Variants in NRDE2 observed in about 807,000 individuals in gnomAD.
The protein encoded by NRDE2 is nuclear exosome regulator NRDE2.
NRDE2 carries 76 observed loss-of-function variants against 124.2 expected under a neutral mutation model. The ratio of observed to expected loss-of-function variants is 0.61; its 90% CI spans 0.51 to 0.74. NRDE2 has a LOEUF of 0.74. Among genes scored for constraint, NRDE2 ranks in the 30% least tolerant of loss-of-function variants. The pLI, the probability that NRDE2 is intolerant of heterozygous loss-of-function variation, is 0.00. For synonymous variants in NRDE2, 489 were observed against 528.1 expected (o/e 0.93, Z 1.01); for missense variants, 1,314 against 1,417.3 (o/e 0.93, Z 1.17).
rs71460301 is a variant in NRDE2 at position 90,328,142 on chromosome 14, C to CAA, written c.64+3697_64+3698dup. 1.4e-3 allele frequency among the ~76,000 whole-genome samples: 197 copies of CAA among 137,128 alleles called. 1 individual carries two copies. The highest frequency in any genetic ancestry group is 6.9e-3 in the Admixed American group (94 of 13,700). 90.0% of individuals were successfully genotyped at this position (137,128 alleles called of 152,430 possible). On this transcript the variant is annotated intron_variant, in intron 1 of 13. Transcript: ENST00000354366. The stretch of plus-strand genomic sequence containing the variant: ...TAGGCGACAGAGAGATATTCTGTCT[C>CAA]AAAAAAAAAAAAAAATTAGCCAGGA...
At chr14:90,315,973 A>G (rs1595074529) in intron 3 of NRDE2, among the ~76,000 whole-genome samples, 1 of 151,598 alleles carries the variant, frequency 6.6e-6, no homozygotes, top group African/African-American at 2.4e-5. Flanking sequence ...AAAAAAAAAA[A>G]AAAAAAGAAA....
intron 2 of NRDE2, 90 bp from the exon 3 acceptor site, chr14:90,316,901 G>T: frequency 1.2e-6 from 1 of 862,604 alleles, no homozygotes; most frequent in Non-Finnish European, 1.8e-6. Flanking sequence ...ATTTAAGATG[G>T]AACTATATAA....
In NRDE2 at chr14:90,301,294, A is replaced by G. The variant is rs888007749; in HGVS notation, c.1490T>C (p.Val497Ala). Reference protein sequence around the residue: ...EKAISLFQAMVDFTFFKPDSV... With the variant: ...EKAISLFQAMADFTFFKPDSV... ...GTCGGGTTTGAAGAAGGTGAAGTCC[A>G]CCATGGCCTGGAACAATGAGATGGC... Residue 497 changes from valine to alanine, a missense_variant, in exon 7 of 14, where the codon GTG becomes GCG. Coordinates refer to ENST00000354366, the MANE Select transcript of NRDE2 (RefSeq NM_017970.4). 3.1e-6 allele frequency: 5 copies of G among 1,613,706 alleles called. No individual in the cohort carries two copies. In the African/African-American group the frequency reaches 5.3e-5, roughly 17 times the overall value.
At position 90,304,342 on chromosome 14, in the gene NRDE2, T is replaced by A. The variant is rs781502472; in HGVS notation, c.598A>T (p.Lys200Ter). 4.8e-5 allele frequency: 77 copies of A among 1,613,598 alleles called. No homozygotes were observed. The highest frequency in any genetic ancestry group is 6.7e-5 in the Admixed American group (4 of 59,984). ...CCTTCCCAAGATATGCACTGCTTCTTAGGGTTAATGCCAAGGCAGGAGTCT... is the reference window on the plus strand; with the variant it reads ...CCTTCCCAAGATATGCACTGCTTCTAAGGGTTAATGCCAAGGCAGGAGTCT... Reference protein sequence around the residue: ...KGDSCLGINPKKQCISWEGTS... With the variant: ...KGDSCLGINP Residue 200 changes from lysine to a stop codon, truncating the protein, a stop_gained, in exon 5 of 14, where the codon AAG becomes TAG. Coordinates refer to ENST00000354366, the MANE Select transcript of NRDE2 (RefSeq NM_017970.4). LOFTEE classifies it high-confidence loss of function.
At position 90,288,262 on chromosome 14, in the gene NRDE2, A is replaced by G; in HGVS notation, c.3113T>C (p.Ile1038Thr). The change falls in exon 11 of 14, where the codon ATT (isoleucine) becomes ACT (threonine). Residue 1038 changes from isoleucine to threonine, a missense_variant. Physicochemically the swap from Ile to Thr is moderately conservative, Grantham distance 89. Transcript: ENST00000354366. ...AKPLEPWLFA[I>T]EAEKLRKRLV... ...TCTCTTCCTCAGTTTCTCAGCTTCAATTGCAAACAACCAAGGCTCCAAGGG... is the reference window on the plus strand; with the variant it reads ...TCTCTTCCTCAGTTTCTCAGCTTCAGTTGCAAACAACCAAGGCTCCAAGGG... The G allele has an allele frequency of 6.2e-7, 1 of 1,614,156 alleles. No homozygotes were observed.
At chr14:90,279,242 C>A in intron 12 of NRDE2, 109 bp from the exon 13 acceptor site, 1 of 841,952 alleles carries the variant, frequency 1.2e-6, no homozygotes, top group South Asian at 1.5e-5. Context: ...AGTGAGCCCA[C>A]CTGTGCAGAG....
intron 3 of NRDE2, among the ~76,000 whole-genome samples, chr14:90,314,014 A>AG (rs1884950792): frequency 6.6e-6 from 1 of 152,212 alleles, no homozygotes; most frequent in African/African-American, 2.4e-5. Context: ...GCCAACTGGG[A>AG]GAAAAAAAGG....
At chr14:90,279,200 C>T (rs1014451158) in intron 12 of NRDE2, 67 bp from the exon 13 acceptor site, 1 of 1,243,440 alleles carries the variant, frequency 8.0e-7, no homozygotes, top group Admixed American at 1.7e-5. Context: ...TACACAAACG[C>T]CCCTGGATGA....
At chr14:90,323,948 A>G (rs914792101) in intron 1 of NRDE2, among the ~76,000 whole-genome samples, 2 of 152,180 alleles carry the variant, frequency 1.3e-5, no homozygotes, top group Non-Finnish European at 2.9e-5. Context: ...TGCACGATGA[A>G]TAAGACAAAC....
chr14:90,314,930 G>A (rs1566698561), intron 3 of NRDE2, among the ~76,000 whole-genome samples: 1 of 152,028 alleles, frequency 6.6e-6, no homozygotes, highest in East Asian at 1.9e-4. Context: ...AGCACTTTGG[G>A]AGGCAGAGGC....
chr14:90,317,162 G>A (rs1400433442), intron 2 of NRDE2, among the ~76,000 whole-genome samples: 1 of 152,092 alleles, frequency 6.6e-6, no homozygotes, highest in Non-Finnish European at 1.5e-5. Context: ...TATAATCCTA[G>A]CACTTTGGGA....
chr14:90,324,463 G>A (rs11621875), intron 1 of NRDE2, among the ~76,000 whole-genome samples: 48,327 of 151,782 alleles, frequency 0.32, 8,903 homozygotes, highest in East Asian at 0.5. Flanking sequence ...ATCACTTGAG[G>A]TCAGGAGTTT....
At chr14:90,304,664 G>A (rs1213140515) in intron 4 of NRDE2, 1 of 333,852 alleles carries the variant, frequency 3.0e-6, no homozygotes, top group Non-Finnish European at 5.5e-6. Flanking sequence ...TATTTTCCTG[G>A]AGCCTTGTAA....
intron 1 of NRDE2, among the ~76,000 whole-genome samples, chr14:90,322,379 C>T (rs1389334360): frequency 1.3e-5 from 2 of 152,194 alleles, no homozygotes; most frequent in Non-Finnish European, 2.9e-5. Flanking sequence ...CATGACTATT[C>T]ACTACTGTAT....
Position 90,326,207 on chromosome 14 carries a change from G to A in NRDE2, c.64+5634C>T, listed in dbSNP as rs1285744881. Among the ~76,000 whole-genome samples the A allele has an allele frequency of 2.0e-5, 3 of 152,272 alleles. No homozygotes were observed. The East Asian group carries it at 5.8e-4, about 29-fold the overall frequency. On this transcript the variant is annotated intron_variant, in intron 1 of 13. Coordinates refer to ENST00000354366, the MANE Select transcript of NRDE2 (RefSeq NM_017970.4). ...CAGAATAGTATGCATTTAAGAAAGA[G>A]AGGGAGGCCGGGCGCGGTGGCTCAC...
intron 10 of NRDE2, 99 bp from the exon 11 acceptor site, chr14:90,289,244 G>A (rs1892204561): frequency 3.2e-6 from 3 of 937,068 alleles, no homozygotes; most frequent in African/African-American, 3.3e-5. Context: ...AGGCGTCTAC[G>A]CTTCCTCCCT....
intron 4 of NRDE2, among the ~76,000 whole-genome samples, chr14:90,309,421 C>T (rs1333067128): frequency 2.1e-5 from 3 of 140,522 alleles, no homozygotes; most frequent in South Asian, 2.2e-4. Context: ...TGCAGTGAGT[C>T]GAGATAGCAT....
At chr14:90,323,816 C>A (rs1028398196) in intron 1 of NRDE2, among the ~76,000 whole-genome samples, 4 of 152,152 alleles carry the variant, frequency 2.6e-5, no homozygotes, top group Admixed American at 2.0e-4. Flanking sequence ...CGTAGAAGAA[C>A]TTGTATTCAA....
At chr14:90,300,051 C>T (rs77971961) in intron 7 of NRDE2, among the ~76,000 whole-genome samples, 4,338 of 152,212 alleles carry the variant, frequency 0.028, 216 homozygotes, top group African/African-American at 0.099. Flanking sequence ...GCACGAGGAT[C>T]GGGGTCTCCC....
Sources: allele counts gnomAD v4.1 joint callset (sites outside exome capture counted in the v4.1 genomes callset), GRCh38; gene constraint gnomAD v4.1.1; transcripts MANE v1.5; gene names NCBI Gene and HGNC (gene_info 2026-07-23, HGNC 2026-07-21).